MS4A3: variants seen among roughly 807,000 people sequenced by gnomAD.
MS4A3 encodes membrane-spanning 4-domains subfamily A member 3.
MS4A3 carries 18 observed loss-of-function variants against 24.7 expected under a neutral mutation model. That is an observed-to-expected ratio of 0.73 (90% confidence interval 0.50 to 1.08). The LOEUF is 1.08. Among genes scored for constraint, MS4A3 ranks in the 50% least tolerant of loss-of-function variants. The probability of loss-of-function intolerance (pLI) is 0.00; values close to 1 mark genes in which losing one functional copy is unlikely to be tolerated. For missense variants in MS4A3, 282 were observed against 251.7 expected (o/e 1.12, Z -0.82); for synonymous variants, 84 against 95.3 (o/e 0.88, Z 0.69).
At chr11:60,067,915 G>C (rs1832679998) in intron 5 of MS4A3, among the ~76,000 whole-genome samples, 1 of 151,884 alleles carries the variant, frequency 6.6e-6, no homozygotes, top group African/African-American at 2.4e-5. Flanking sequence ...AGCCGGGCAT[G>C]GTGGCAGGCG....
intron 1 of MS4A3, among the ~76,000 whole-genome samples, chr11:60,060,243 T>G (rs1474406906): frequency 6.6e-6 from 1 of 152,086 alleles, no homozygotes; most frequent in Admixed American, 6.6e-5. Flanking sequence ...ATTATCAAAG[T>G]CAACTCTCGC....
chr11:60,062,537 T>C lies in MS4A3; in HGVS notation c.226T>C (p.Tyr76His), dbSNP rs1390248875. The change falls in exon 3 of 7, where the codon TAC becomes CAC. Residue 76 changes from tyrosine (Y) to histidine (H), a missense_variant. Transcript: ENST00000278865. ...CTTTCTGGGTTCCTTGCAATACCCA[T>C]ACCACTTCCAAAAGCACTTCTTTTT... ...GVFLGSLQYPYHFQKHFFFFT... is the reference protein window; with the variant it reads ...GVFLGSLQYPHHFQKHFFFFT... The C allele has an allele frequency of 5.0e-6, 8 of 1,614,040 alleles. No individual in the cohort carries two copies. The highest frequency in any genetic ancestry group is 3.3e-5 in the Admixed American group (2 of 60,002).
chr11:60,062,885 C>G (rs550031388), intron 3 of MS4A3, among the ~76,000 whole-genome samples: 21 of 152,200 alleles, frequency 1.4e-4, no homozygotes, highest in African/African-American at 3.6e-4. Flanking sequence ...TCTGCCTCCC[C>G]AGTTCAAGTG....
In MS4A3 at chr11:60,068,409, G is replaced by GTT. The variant is rs1304133796; in HGVS notation, c.514-1150_514-1149dup. Among the ~76,000 whole-genome samples the GTT allele has an allele frequency of 6.7e-4, 82 of 122,192 alleles. 1 individual carries two copies. The highest frequency in any genetic ancestry group is 6.6e-3 in the East Asian group (27 of 4,100). The allele number at this position is 122,192 out of a possible 152,430, so 80.2% of individuals were successfully genotyped here. On this transcript the variant is annotated intron_variant, in intron 5 of 6. Coordinates refer to ENST00000278865, the MANE Select transcript of MS4A3 (RefSeq NM_006138.5). ...CGCCCGCCACCACGCCCGGCTAATT[G>GTT]TTTTTTTTTTTTTTTTGTATTTTTA...
intron 3 of MS4A3, 59 bp downstream of exon 3, chr11:60,062,664 T>A: frequency 6.3e-7 from 1 of 1,586,426 alleles, no homozygotes; most frequent in Non-Finnish European, 8.6e-7. Flanking sequence ...GCTGGAGATG[T>A]GTTTGATGAC....
intron 3 of MS4A3, among the ~76,000 whole-genome samples, 195 bp from the exon 4 acceptor site, chr11:60,064,067 C>CAAATAAA (rs1554967594): frequency 2.7e-5 from 4 of 147,490 alleles, no homozygotes; most frequent in African/African-American, 7.5e-5. Context: ...CATGGAAAGA[C>CAAATAAA]TAAATAAATA....
rs1855440424 is a variant in MS4A3, at chr11:60,069,563, A to G, written c.514-11A>G. 1 of 1,596,644 alleles carries G rather than the reference A, an allele frequency of 6.3e-7. No individual in the cohort carries two copies. The highest frequency in any genetic ancestry group is 1.3e-5 in the African/African-American group (1 of 74,438). ...GCCACTGGGTTTGATATAAGGCATC[A>G]TATCCCCTAGGGCATGGTGTCTCTA... On this transcript the variant is annotated splice_polypyrimidine_tract_variant and intron_variant, in intron 5 of 6. Coordinates refer to ENST00000278865, the MANE Select transcript of MS4A3 (RefSeq NM_006138.5).
intron 6 of MS4A3, 26 bp downstream of exon 6, chr11:60,069,701 T>C: frequency 6.5e-7 from 1 of 1,532,742 alleles, no homozygotes; most frequent in Non-Finnish European, 9.0e-7. Context: ...TGATTAATCA[T>C]TCACATGATC....
chr11:60,061,818 T>A (rs1855281067), intron 2 of MS4A3, among the ~76,000 whole-genome samples: 2 of 152,172 alleles, frequency 1.3e-5, no homozygotes, highest in South Asian at 4.1e-4. Context: ...TTGCTTATGC[T>A]GAGAAGGAGG....
chr11:60,069,619 G>T lies in MS4A3; in HGVS notation c.559G>T (p.Val187Leu), dbSNP rs142101861. 4 of 1,613,554 alleles carry T rather than the reference G, an allele frequency of 2.5e-6. No homozygotes were observed. Among genetic ancestry groups the T allele is most frequent in the Middle Eastern group, 3.3e-4 (2 of 6,060 alleles). ...LLILTLLELC[V>L]TISTIAMWCN... ...GATTCTCACCTTGCTGGAATTATGC[G>T]TAACCATCTCTACCATAGCCATGTG... The change falls in exon 6 of 7, where the codon GTA becomes TTA. Residue 187 changes from valine to leucine, a missense_variant. By Grantham distance (32) the Val-to-Leu change is conservative (BLOSUM62 1). Transcript: ENST00000278865.
At chr11:60,062,214 C>T (rs1018503944) in intron 2 of MS4A3, among the ~76,000 whole-genome samples, 4 of 152,086 alleles carry the variant, frequency 2.6e-5, no homozygotes, top group African/African-American at 9.7e-5. Flanking sequence ...TGTCCTGCCA[C>T]TTTCTGAGAG....
chr11:60,064,203 G>A, intron 3 of MS4A3, 59 bp from the exon 4 acceptor site: 1 of 1,362,600 alleles, frequency 7.3e-7, no homozygotes, highest in South Asian at 1.4e-5. Flanking sequence ...GGAGGACCAA[G>A]AAGAAAATGG....
chr11:60,057,606 A>G (rs1207273079), intron 1 of MS4A3, among the ~76,000 whole-genome samples: 2 of 152,234 alleles, frequency 1.3e-5, no homozygotes, highest in Non-Finnish European at 2.9e-5. Flanking sequence ...GGGTTTCACC[A>G]TGTTAGCAAG....
chr11:60,058,146 G>C (rs1794121129), intron 1 of MS4A3, among the ~76,000 whole-genome samples: 1 of 152,108 alleles, frequency 6.6e-6, no homozygotes, highest in Admixed American at 6.6e-5. Context: ...CCAAAGGGGT[G>C]CATGCTTCTT....
In MS4A3 at chr11:60,061,237, C is replaced by A. The variant is rs1314758330; in HGVS notation, c.77C>A (p.Pro26Gln). 9.3e-6 allele frequency: 15 copies of A among 1,613,680 alleles called. No homozygotes were observed. The highest frequency in any genetic ancestry group is 1.3e-5 in the Non-Finnish European group (15 of 1,179,828). ...AHGTPGSEAG[P>Q]EELNTSVYQP... is the part of the protein sequence containing the mutation. ...GGTACCCCAGGCAGTGAGGCGGGACCAGAAGAGCTGAATACTTCTGTCTAC... is the reference window on the plus strand; with the variant it reads ...GGTACCCCAGGCAGTGAGGCGGGACAAGAAGAGCTGAATACTTCTGTCTAC... Residue 26 changes from proline to glutamine, a missense_variant, in exon 2 of 7, where the codon CCA (proline) becomes CAA (glutamine). Transcript: ENST00000278865.
chr11:60,058,943 C>T (rs528605159), intron 1 of MS4A3, among the ~76,000 whole-genome samples: 1 of 152,260 alleles, frequency 6.6e-6, no homozygotes, highest in East Asian at 1.9e-4. Flanking sequence ...GATCTTCCCT[C>T]GCTCTTGGGT....
At chr11:60,063,390 T>C (rs1392628395) in intron 3 of MS4A3, among the ~76,000 whole-genome samples, 1 of 152,212 alleles carries the variant, frequency 6.6e-6, no homozygotes, top group Admixed American at 6.5e-5. Flanking sequence ...TTTTGATTAT[T>C]TATTACTTCC....
intron 5 of MS4A3, among the ~76,000 whole-genome samples, chr11:60,068,182 G>T (rs73479042): frequency 6.6e-6 from 1 of 151,188 alleles, no homozygotes; most frequent in Non-Finnish European, 1.5e-5. Context: ...GAAGGACTGC[G>T]CTTTAGAATG....
chr11:60,065,504 T>C (rs958123163), intron 4 of MS4A3, among the ~76,000 whole-genome samples: 1 of 152,216 alleles, frequency 6.6e-6, no homozygotes, highest in African/African-American at 2.4e-5. Flanking sequence ...AAAGGAATCA[T>C]CATGTTCTTT....
Sources: allele counts gnomAD v4.1 joint callset (sites outside exome capture counted in the v4.1 genomes callset), GRCh38; gene constraint gnomAD v4.1.1; transcripts MANE v1.5; gene names NCBI Gene and HGNC (gene_info 2026-07-23, HGNC 2026-07-21).